EML5: variants seen among roughly 807,000 people sequenced by gnomAD.
EML5 encodes EMAP like 5, also known as echinoderm microtubule-associated protein-like 5.
EML5 carries 120 observed loss-of-function variants against 250.0 expected under a neutral mutation model. The ratio of observed to expected loss-of-function variants is 0.48; its 90% CI spans 0.41 to 0.56. The LOEUF (loss-of-function observed/expected upper bound fraction) is 0.56, where lower values mean the gene tolerates loss of function less well. Ranked by LOEUF, EML5 falls within the 20% of genes least tolerant of loss-of-function variation. EML5 has a pLI of 0.00. For synonymous variants in EML5, 771 were observed against 806.5 expected (o/e 0.96, Z 0.75); for missense variants, 2,006 against 2,437.6 (o/e 0.82, Z 3.73).
At chr14:88,677,931 T>A (rs181334928) in intron 21 of EML5, among the ~76,000 whole-genome samples, 2 of 152,276 alleles carry the variant, frequency 1.3e-5, no homozygotes, top group East Asian at 3.9e-4. Context: ...CCCAGCAATG[T>A]AATTACTGAG....
chr14:88,748,534 A>G (rs1223070570), intron 2 of EML5, among the ~76,000 whole-genome samples: 1 of 152,170 alleles, frequency 6.6e-6, no homozygotes, highest in Non-Finnish European at 1.5e-5. Context: ...GAACTTGACT[A>G]TTTGCCAGAA....
At chr14:88,622,126 A>C in intron 37 of EML5, 1 of 200,732 alleles carries the variant, frequency 5.0e-6, no homozygotes, top group South Asian at 8.9e-5. Flanking sequence ...GAGAACATGT[A>C]TTTATCTTTC....
chr14:88,697,022 A>G, intron 14 of EML5, 70 bp from the exon 15 acceptor site: 2 of 1,015,832 alleles, frequency 2.0e-6, no homozygotes, highest in Admixed American at 6.8e-5. Context: ...AAAAGGAAAT[A>G]AAACAAGAGA....
intron 7 of EML5, 79 bp from the exon 8 acceptor site, chr14:88,726,757 A>C: frequency 5.4e-5 from 55 of 1,026,238 alleles, no homozygotes; most frequent in Middle Eastern, 2.3e-4. Flanking sequence ...AAATAATCTC[A>C]TCTTAATTAA....
chr14:88,734,892 G>C (rs963096860), intron 7 of EML5, among the ~76,000 whole-genome samples: 2 of 152,120 alleles, frequency 1.3e-5, no homozygotes, highest in Admixed American at 6.6e-5. Context: ...AGACTGAAAA[G>C]ACATATCAGC....
intron 33 of EML5, among the ~76,000 whole-genome samples, chr14:88,633,686 A>G (rs1345234535): frequency 1.3e-5 from 2 of 152,218 alleles, no homozygotes; most frequent in African/African-American, 2.4e-5. Context: ...CTGCCATTGT[A>G]GCACAAAAGC....
intron 21 of EML5, 102 bp from the exon 22 acceptor site, chr14:88,665,591 C>G: frequency 2.0e-6 from 3 of 1,499,644 alleles, no homozygotes; most frequent in Non-Finnish European, 2.7e-6. Flanking sequence ...CTCTGGGGAG[C>G]TGAGGCAGGA....
chr14:88,771,576 A>G (rs767539406), intron 1 of EML5, among the ~76,000 whole-genome samples: 3 of 152,182 alleles, frequency 2.0e-5, no homozygotes, highest in Non-Finnish European at 4.4e-5. Context: ...CCTCATTCAA[A>G]GCAAAACTTC....
chr14:88,723,887 T>C (rs1442292510), intron 8 of EML5, among the ~76,000 whole-genome samples: 3 of 152,194 alleles, frequency 2.0e-5, no homozygotes, highest in African/African-American at 7.2e-5. Context: ...TACCACCTTA[T>C]ATACTAATTT....
chr14:88,622,337 T>G, intron 37 of EML5: 1 of 312,912 alleles, frequency 3.2e-6, no homozygotes, highest in Non-Finnish European at 5.8e-6. Context: ...GGCTTTCAAT[T>G]ATGTCTACTA....
rs768301601 is a variant in EML5 at position 88,621,215 on chromosome 14, A to G, written c.5100T>C (p.His1700=). 9 of 1,613,880 alleles carry G rather than the reference A, an allele frequency of 5.6e-6. No individual in the cohort carries two copies. Among genetic ancestry groups the G allele is most frequent in the South Asian group, 5.5e-5 (5 of 91,086 alleles). Residue 1700 remains histidine (H), a synonymous_variant, in exon 38 of 44, where the codon CAT becomes CAC. Transcript: ENST00000554922. ...CTAGTCCCCAGATTGGCCCATCCAC[A>G]TGACCGTTAACTAAAATATTACAAG... ...NAACNILVNG[H]VDGPIWGLAT... is the part of the protein sequence containing the mutation.
At chr14:88,626,593 G>T in intron 35 of EML5, 1 of 469,762 alleles carries the variant, frequency 2.1e-6, no homozygotes, top group Non-Finnish European at 3.9e-6. Flanking sequence ...CCCCAGCCCA[G>T]GCGACAGAGT....
chr14:88,641,268 G>C (rs2091050799), intron 31 of EML5, among the ~76,000 whole-genome samples: 1 of 151,926 alleles, frequency 6.6e-6, no homozygotes, highest in African/African-American at 2.4e-5. Context: ...TGTGAAGCCA[G>C]CATCACCCTC....
intron 21 of EML5, among the ~76,000 whole-genome samples, chr14:88,674,479 T>C (rs1773437582): frequency 6.6e-6 from 1 of 151,946 alleles, no homozygotes; most frequent in African/African-American, 2.4e-5. Flanking sequence ...CATAAAACCA[T>C]CAGATGTCGT....
intron 13 of EML5, 46 bp downstream of exon 13, chr14:88,704,814 G>A: frequency 1.4e-6 from 2 of 1,464,826 alleles, no homozygotes; most frequent in Non-Finnish European, 1.9e-6. Flanking sequence ...GCTAGTAAGT[G>A]TGAACCAAAA....
At chr14:88,732,860 G>C (rs761869522) in intron 7 of EML5, among the ~76,000 whole-genome samples, 13 of 152,166 alleles carry the variant, frequency 8.5e-5, no homozygotes, top group Non-Finnish European at 1.3e-4. Flanking sequence ...TCCCAGGCTG[G>C]AGTGCAGTGG....
At chr14:88,674,606 A>G (rs2092552306) in intron 21 of EML5, among the ~76,000 whole-genome samples, 1 of 152,176 alleles carries the variant, frequency 6.6e-6, no homozygotes, top group South Asian at 2.1e-4. Flanking sequence ...GTGGGGACAC[A>G]GTTAAACCAC....
At chr14:88,618,595 C>T (rs1372003496) in intron 40 of EML5, 55 bp downstream of exon 40, 9 of 1,552,484 alleles carry the variant, frequency 5.8e-6, no homozygotes, top group East Asian at 4.5e-5. Flanking sequence ...TTCACTAACA[C>T]GAAATGTAAA....
intron 2 of EML5, among the ~76,000 whole-genome samples, chr14:88,749,993 G>C (rs1176588789): frequency 6.6e-6 from 1 of 152,126 alleles, no homozygotes; most frequent in African/African-American, 2.4e-5. Context: ...TGTAAATAAA[G>C]TTTTACTGGA....
Sources: allele counts gnomAD v4.1 joint callset (sites outside exome capture counted in the v4.1 genomes callset), GRCh38; gene constraint gnomAD v4.1.1; transcripts MANE v1.5; gene names NCBI Gene and HGNC (gene_info 2026-07-23, HGNC 2026-07-21).